Variants in ARHGAP31 observed in about 807,000 individuals in gnomAD.
The protein encoded by ARHGAP31 is Rho GTPase activating protein 31.
Under a neutral mutation model 113.9 loss-of-function variants are expected in ARHGAP31, and 34 were observed. The ratio of observed to expected loss-of-function variants is 0.30; its 90% CI spans 0.23 to 0.40. The LOEUF is 0.40. Ranked by LOEUF, ARHGAP31 falls within the 10% of genes least tolerant of loss-of-function variation. ARHGAP31 has a pLI of 1.00. For missense variants in ARHGAP31, 1,548 were observed against 1,767.1 expected, an observed-to-expected ratio of 0.88 and a Z score of 2.22; for synonymous variants, 650 against 684.8, an observed-to-expected ratio of 0.95 and a Z score of 0.79.
In ARHGAP31 at chr3:119,294,896, G is replaced by T; in HGVS notation, c.-9G>T. ...AGAGACGGAGGGGCAGCCTCTTTGGGACTAACTCATGAAGAACAAGGGTGC... is the reference window on the plus strand; with the variant it reads ...AGAGACGGAGGGGCAGCCTCTTTGGTACTAACTCATGAAGAACAAGGGTGC... On this transcript the variant is annotated 5_prime_UTR_variant, in exon 1 of 12. Coordinates refer to ENST00000264245, the MANE Select transcript of ARHGAP31 (RefSeq NM_020754.4). The T allele has an allele frequency of 6.2e-7, 1 of 1,613,862 alleles. No individual in the cohort carries two copies. Among genetic ancestry groups the T allele is most frequent in the Non-Finnish European group, 8.5e-7 (1 of 1,179,882 alleles).
At chr3:119,386,556 A>G (rs1255095431) in intron 6 of ARHGAP31, among the ~76,000 whole-genome samples, 2 of 152,230 alleles carry the variant, frequency 1.3e-5, no homozygotes, top group Admixed American at 1.3e-4. Context: ...GACCAGCCCT[A>G]CAGGGTCAGT....
At chr3:119,375,368 G>A (rs191099971) in intron 3 of ARHGAP31, among the ~76,000 whole-genome samples, 5 of 152,246 alleles carry the variant, frequency 3.3e-5, no homozygotes, top group Admixed American at 1.3e-4. Context: ...CCTCACTCCT[G>A]TCTCTGCCTC....
intron 8 of ARHGAP31, among the ~76,000 whole-genome samples, chr3:119,394,799 A>AAATAAGAAAAAACAAC (rs1162073076): frequency 6.6e-6 from 1 of 152,170 alleles, no homozygotes; most frequent in East Asian, 1.9e-4. Context: ...TAAAAAACAA[A>AAATAAGAAAAAACAAC]AATAAGAAAA....
rs2079513906 is a variant in ARHGAP31, at chr3:119,294,446, AG to A, written c.-457del. The A allele has an allele frequency of 7.4e-6, 3 of 405,652 alleles. No individual in the cohort carries two copies. The highest frequency in any genetic ancestry group is 1.3e-5 in the Non-Finnish European group (3 of 231,522). The allele number at this position is 405,652 out of a possible 1,614,324, so 25.1% of individuals were successfully genotyped here. A position where few individuals can be genotyped will look rare whatever the true frequency, so the allele number is the denominator to read the frequency against. On this transcript the variant is annotated 5_prime_UTR_variant, in exon 1 of 12. Transcript: ENST00000264245. ...TTTTCGCTCTACCAAAGTCGTCTGA[AG>A]GCGAGACAGCGGGCCCAGGGCGCAG... is the stretch of plus-strand genomic sequence containing the variant.
chr3:119,419,595 C>T lies in ARHGAP31; in HGVS notation c.*3331C>T, dbSNP rs1166599607. 1.3e-5 allele frequency: 2 copies of T among 152,044 alleles called. No homozygotes were observed. Among genetic ancestry groups the T allele is most frequent in the Non-Finnish European group, 2.9e-5 (2 of 68,010 alleles). 9.4% of individuals were successfully genotyped at this position (152,044 alleles called of 1,614,324 possible). On this transcript the variant is annotated 3_prime_UTR_variant, in exon 12 of 12. Coordinates refer to ENST00000264245, the MANE Select transcript of ARHGAP31 (RefSeq NM_020754.4). ...AGGGATGGCAGCAAATAAAACACCC[C>T]CATAAACAACCAGGAGCAAGGTTGA...
rs2080770815 is a variant in ARHGAP31, at chr3:119,415,785, C to T, written c.3856C>T (p.Pro1286Ser). Residue 1286 changes from proline to serine, a missense_variant, in exon 12 of 12, where the codon CCT becomes TCT. Transcript: ENST00000264245. ...CACTGCACCCTGCATGTGCGAGGGACCTACCCTTTCTCCAGAACCAGGCTC... is the reference window on the plus strand; with the variant it reads ...CACTGCACCCTGCATGTGCGAGGGATCTACCCTTTCTCCAGAACCAGGCTC... ...DATAPCMCEG[P>S]TLSPEPGSSN... 7 of 1,614,234 alleles carry T rather than the reference C, an allele frequency of 4.3e-6. No homozygotes were observed. The highest frequency in any genetic ancestry group is 5.9e-6 in the Non-Finnish European group (7 of 1,180,040).
intron 11 of ARHGAP31, 40 bp downstream of exon 11, chr3:119,409,816 A>AT (rs112099239): frequency 6.5e-6 from 10 of 1,542,408 alleles, no homozygotes; most frequent in African/African-American, 1.4e-5. Flanking sequence ...AGGTGGAGTT[A>AT]TTTTTTCCCA....
At chr3:119,329,145 T>C (rs1170654819) in intron 1 of ARHGAP31, among the ~76,000 whole-genome samples, 2 of 152,112 alleles carry the variant, frequency 1.3e-5, no homozygotes, top group Non-Finnish European at 2.9e-5. Context: ...TATAAATGAG[T>C]CCAGTGTGCA....
chr3:119,381,721 C>T (rs1454728274), intron 4 of ARHGAP31, among the ~76,000 whole-genome samples: 1 of 152,182 alleles, frequency 6.6e-6, no homozygotes, highest in African/African-American at 2.4e-5. Flanking sequence ...TGTGTGGTGG[C>T]TCATGCCTGT....
intron 1 of ARHGAP31, among the ~76,000 whole-genome samples, chr3:119,334,234 T>C (rs1272677999): frequency 6.6e-6 from 1 of 152,146 alleles, no homozygotes; most frequent in East Asian, 1.9e-4. Context: ...GCTTGCCGTC[T>C]TGGCCCCCAC....
intron 1 of ARHGAP31, among the ~76,000 whole-genome samples, chr3:119,346,515 C>A (rs995065514): frequency 6.6e-6 from 1 of 152,226 alleles, no homozygotes; most frequent in African/African-American, 2.4e-5. Context: ...TGTAATTGAA[C>A]TAACTAGACT....
intron 1 of ARHGAP31, among the ~76,000 whole-genome samples, chr3:119,296,861 G>T (rs1208716097): frequency 1.3e-5 from 2 of 152,218 alleles, no homozygotes; most frequent in African/African-American, 4.8e-5. Flanking sequence ...CCTGCCTGAG[G>T]TTGTACAGCT....
At chr3:119,413,218 G>A (rs1000228362) in intron 11 of ARHGAP31, among the ~76,000 whole-genome samples, 1 of 150,890 alleles carries the variant, frequency 6.6e-6, no homozygotes, top group African/African-American at 2.4e-5. Context: ...TTGGGAGGCT[G>A]AGGCAGAAGA....
At chr3:119,325,928 C>T (rs1218837102) in intron 1 of ARHGAP31, among the ~76,000 whole-genome samples, 1 of 152,182 alleles carries the variant, frequency 6.6e-6, no homozygotes, top group African/African-American at 2.4e-5. Context: ...CGGTGGCTCA[C>T]GCCTGTAATC....
intron 1 of ARHGAP31, among the ~76,000 whole-genome samples, chr3:119,305,791 CTG>C (rs1404742312): frequency 6.6e-6 from 1 of 152,192 alleles, no homozygotes; most frequent in East Asian, 1.9e-4. Context: ...AAGCTCAGAG[CTG>C]AGGACAGAAA....
intron 3 of ARHGAP31, among the ~76,000 whole-genome samples, chr3:119,373,456 C>T (rs1043868359): frequency 6.7e-6 from 1 of 148,378 alleles, no homozygotes; most frequent in African/African-American, 2.5e-5. Flanking sequence ...TTGTTGTTGG[C>T]TTTTTTGGTT....
At position 119,342,639 on chromosome 3, in the gene ARHGAP31, C is replaced by A. The variant is rs545832399; in HGVS notation, c.101-22677C>A. 4.6e-5 allele frequency among the ~76,000 whole-genome samples: 7 copies of A among 152,216 alleles called. No homozygotes were observed. The East Asian group carries it at 1.2e-3, about 25-fold the overall frequency. Reference sequence around the variant, plus strand: ...GCCTGTGGAACTCAGGGCCTAGAACCAAAACATTTTCATTTAAAGACAAAT... The same window carrying A: ...GCCTGTGGAACTCAGGGCCTAGAACAAAAACATTTTCATTTAAAGACAAAT... On this transcript the variant is annotated intron_variant, in intron 1 of 11. Coordinates refer to ENST00000264245, the MANE Select transcript of ARHGAP31 (RefSeq NM_020754.4).
chr3:119,318,368 C>T (rs533193477), intron 1 of ARHGAP31, among the ~76,000 whole-genome samples: 44 of 152,326 alleles, frequency 2.9e-4, no homozygotes, highest in Non-Finnish European at 5.3e-4. Context: ...TCCATTTGAA[C>T]TCTTGAAGGT....
Position 119,368,514 on chromosome 3 carries a change from A to G in ARHGAP31, c.346A>G (p.Thr116Ala), listed in dbSNP as rs746006142. The G allele has an allele frequency of 6.2e-7, 1 of 1,614,138 alleles. No homozygotes were observed. Among genetic ancestry groups the G allele is most frequent in the Non-Finnish European group, 8.5e-7 (1 of 1,180,008 alleles). The change falls in exon 3 of 12, where the codon ACG (threonine) becomes GCG (alanine). Residue 116 changes from threonine to alanine, a missense_variant and splice_region_variant. Thr to Ala is a moderately conservative substitution (Grantham distance 58). Transcript: ENST00000264245. Reference sequence around the variant, plus strand: ...GACTTATGAGCTCTATGAGAAATTCACGGTGAGTGTTTGGATTTCCATTAT... The same window carrying G: ...GACTTATGAGCTCTATGAGAAATTCGCGGTGAGTGTTTGGATTTCCATTAT... The part of the protein sequence containing the change: ...LLTYELYEKF[T>A]EAVSHCPEEG...
Sources: gnomAD v4.1 joint callset for allele counts (sites outside exome capture counted in the v4.1 genomes callset) on GRCh38, gnomAD v4.1.1 for gene constraint, MANE v1.5 for transcripts, NCBI Gene and HGNC (gene_info 2026-07-23, HGNC 2026-07-21) for gene names.